The following BACH1 variants were observed in gnomAD, a reference collection of about 807,000 sequenced individuals.
BACH1 encodes transcription regulator protein BACH1.
In BACH1, 35 loss-of-function variants were observed where a neutral mutation model predicts 52.9. That is an observed-to-expected ratio of 0.66 (90% CI 0.51 to 0.88). BACH1 has a LOEUF of 0.88. Among genes scored for constraint, BACH1 ranks in the 40% least tolerant of loss-of-function variants. The probability of loss-of-function intolerance (pLI) is 0.00; values close to 1 mark genes in which losing one functional copy is unlikely to be tolerated. For missense variants in BACH1, 808 were observed against 872.6 expected, an observed-to-expected ratio of 0.93 and a Z score of 0.93; for synonymous variants, 321 against 319.6, an observed-to-expected ratio of 1.00 and a Z score of -0.05.
intron 1 of BACH1, among the ~76,000 whole-genome samples, chr21:29,318,639 G>A (rs2088814659): frequency 6.6e-6 from 1 of 152,160 alleles, no homozygotes; most frequent in African/African-American, 2.4e-5. Flanking sequence ...TAATTCTCTG[G>A]AATTTGAGGT....
chr21:29,303,222 A>C (rs1307845140), intron 1 of BACH1, among the ~76,000 whole-genome samples: 17 of 152,256 alleles, frequency 1.1e-4, no homozygotes, highest in Admixed American at 1.1e-3. Context: ...AAAATTATCC[A>C]TGAAATGGAT....
In BACH1 at chr21:29,326,156, A is replaced by C. The variant is rs762029576; in HGVS notation, c.332A>C (p.Glu111Ala). The C allele has an allele frequency of 6.2e-7, 1 of 1,614,186 alleles. No individual in the cohort carries two copies. Among genetic ancestry groups the C allele is most frequent in the African/African-American group, 1.3e-5 (1 of 75,042 alleles). The change falls in exon 3 of 5, where the codon GAG becomes GCG. Residue 111 changes from glutamate (E) to alanine (A), a missense_variant. By Grantham distance (107) the Glu-to-Ala change is moderately radical. Transcript: ENST00000286800. Reference sequence around the variant, plus strand: ...GTGGATGAAGTGTGCAAATGTGTGGAGTTTTTAAGTGTACATAATATTGAG... The same window carrying C: ...GTGGATGAAGTGTGCAAATGTGTGGCGTTTTTAAGTGTACATAATATTGAG... Reference protein sequence around the residue: ...ENVDEVCKCVEFLSVHNIEES... With the variant: ...ENVDEVCKCVAFLSVHNIEES...
intron 4 of BACH1, among the ~76,000 whole-genome samples, chr21:29,330,127 A>G (rs185160905): frequency 6.6e-6 from 1 of 152,150 alleles, no homozygotes; most frequent in Non-Finnish European, 1.5e-5. Flanking sequence ...ATTAATATCT[A>G]ATGGGATCCT....
chr21:29,311,351 G>T (rs905837333), intron 1 of BACH1, among the ~76,000 whole-genome samples: 6 of 151,968 alleles, frequency 3.9e-5, no homozygotes, highest in Non-Finnish European at 8.8e-5. Context: ...ACTAAATTTT[G>T]CTACTTTTGT....
rs1412006241 is a variant in BACH1, at chr21:29,344,068, A to G, written c.*1235A>G. ...TGTTCAGTCCTGTTACAAAATAGAT[A>G]ACTGAGCACCTATCGCATAACATTT... On this transcript the variant is annotated 3_prime_UTR_variant, in exon 5 of 5. Coordinates refer to ENST00000286800, the MANE Select transcript of BACH1 (RefSeq NM_001186.4). 1 of 152,228 alleles carries G rather than the reference A, an allele frequency of 6.6e-6. No homozygotes were observed. The highest frequency in any genetic ancestry group is 1.9e-4 in the East Asian group (1 of 5,206). 9.4% of individuals were successfully genotyped at this position (152,228 alleles called of 1,614,324 possible). A position where few individuals can be genotyped will look rare whatever the true frequency, so the allele number is the denominator to read the frequency against.
In BACH1 at chr21:29,326,725, A is replaced by G. The variant is rs148287786; in HGVS notation, c.901A>G (p.Thr301Ala). 138 of 1,614,126 alleles carry G rather than the reference A, an allele frequency of 8.5e-5. No individual in the cohort carries two copies. In the African/African-American group the frequency reaches 9.6e-4, roughly 11 times the overall value. Residue 301 changes from threonine (T) to alanine (A), a missense_variant, in exon 3 of 5, where the codon ACT (threonine) becomes GCT (alanine). Transcript: ENST00000286800. The part of the protein sequence containing the change: ...TKKDPASQCP[T>A]EKSEVTPFPH... ...GAAAGATCCTGCTTCTCAGTGCCCAACTGAAAAATCAGAAGTGACTCCTTT... is the reference window on the plus strand; with the variant it reads ...GAAAGATCCTGCTTCTCAGTGCCCAGCTGAAAAATCAGAAGTGACTCCTTT...
At chr21:29,310,005 G>T (rs958596818) in intron 1 of BACH1, among the ~76,000 whole-genome samples, 1 of 151,350 alleles carries the variant, frequency 6.6e-6, no homozygotes, top group Non-Finnish European at 1.5e-5. Flanking sequence ...CCTATAGCAG[G>T]GTTCTCTCAT....
chr21:29,321,370 A>T lies in BACH1; in HGVS notation c.90A>T (p.Lys30Asn). Residue 30 changes from lysine (K) to asparagine (N), a missense_variant, in exon 2 of 5, where the codon AAA (lysine) becomes AAT (asparagine). Lys to Asn is a moderately conservative substitution (Grantham distance 94). Transcript: ENST00000286800. ...TCAGCCTTAATGACCAGCGGAAGAA[A>T]GATGTGCTGTGCGATGTCACCATCT... ...VLLSLNDQRK[K>N]DVLCDVTIFV... is the part of the protein sequence containing the mutation. 1 of 1,614,240 alleles carries T rather than the reference A, an allele frequency of 6.2e-7. No individual in the cohort carries two copies. Among genetic ancestry groups the T allele is most frequent in the Non-Finnish European group, 8.5e-7 (1 of 1,180,044 alleles).
downstream of BACH1, among the ~76,000 whole-genome samples, chr21:29,350,414 G>T (rs1403415982): frequency 6.6e-6 from 1 of 152,220 alleles, no homozygotes; most frequent in East Asian, 1.9e-4. Context: ...CAAAACCTCA[G>T]TTGCTGATAA....
Position 29,298,955 on chromosome 21 carries a change from T to C in BACH1, c.-61+2T>C, listed in dbSNP as rs1379947967. 2 of 151,770 alleles carry C rather than the reference T, an allele frequency of 1.3e-5. No individual in the cohort carries two copies. Among genetic ancestry groups the C allele is most frequent in the Non-Finnish European group, 2.9e-5 (2 of 67,974 alleles). 9.4% of individuals were successfully genotyped at this position (151,770 alleles called of 1,614,324 possible). ...GGGCCGCGCCGCGCCTCAGCTCTGG[T>C]GAGTGGCTCGGCCGTCCCGCCGGCC... is the stretch of plus-strand genomic sequence containing the variant. On this transcript the variant is annotated splice_donor_variant, in intron 1 of 4. Coordinates refer to ENST00000286800, the MANE Select transcript of BACH1 (RefSeq NM_001186.4). LOFTEE classifies it low-confidence loss of function (5UTR_SPLICE).
At chr21:29,331,060 T>C (rs192199612) in intron 4 of BACH1, among the ~76,000 whole-genome samples, 1 of 152,268 alleles carries the variant, frequency 6.6e-6, no homozygotes, top group Admixed American at 6.5e-5. Flanking sequence ...CTTAGTACTT[T>C]TAGAGTGTGT....
chr21:29,333,283 CA>C, intron 4 of BACH1, among the ~76,000 whole-genome samples: 1 of 152,234 alleles, frequency 6.6e-6, no homozygotes, highest in Admixed American at 6.5e-5. Context: ...CTTTTGTAAA[CA>C]GAAAACTAGG....
chr21:29,358,452 A>G (rs527253814), intron 2 of BACH1, among the ~76,000 whole-genome samples: 1 of 152,320 alleles, frequency 6.6e-6, no homozygotes, highest in Admixed American at 6.5e-5. Context: ...TTAGAAATAT[A>G]AAAAGTGGGC....
In BACH1 at chr21:29,345,807, G is replaced by A. The variant is rs1448922613; in HGVS notation, c.*2974G>A. ...TTTTGAATCTGTAAATATTTTAAAT[G>A]TTTTATTAAGGCATGTAATAAACTA... On this transcript the variant is annotated 3_prime_UTR_variant, in exon 5 of 5. Coordinates refer to ENST00000286800, the MANE Select transcript of BACH1 (RefSeq NM_001186.4). 1 of 152,618 alleles carries A rather than the reference G, an allele frequency of 6.6e-6. No homozygotes were observed. The highest frequency in any genetic ancestry group is 1.9e-4 in the East Asian group (1 of 5,180). 9.5% of individuals were successfully genotyped at this position (152,618 alleles called of 1,614,324 possible). A position where few individuals can be genotyped will look rare whatever the true frequency, so the allele number is the denominator to read the frequency against.
downstream of BACH1, among the ~76,000 whole-genome samples, chr21:29,346,751 A>G (rs796951655): frequency 2.6e-4 from 39 of 152,324 alleles, no homozygotes; most frequent in African/African-American, 8.2e-4. Flanking sequence ...GACTTGTAAG[A>G]AAGTGCTCAG....
chr21:29,342,989 C>A lies in BACH1; in HGVS notation c.*156C>A. 1.4e-6 allele frequency: 1 copy of A among 705,088 alleles called. No individual in the cohort carries two copies. Among genetic ancestry groups the A allele is most frequent in the Non-Finnish European group, 2.2e-6 (1 of 462,652 alleles). The allele number at this position is 705,088 out of a possible 1,614,324, so 43.7% of individuals were successfully genotyped here. On this transcript the variant is annotated 3_prime_UTR_variant, in exon 5 of 5. Coordinates refer to ENST00000286800, the MANE Select transcript of BACH1 (RefSeq NM_001186.4). ...TCCTTTAAGTCAACCATGATTTCTC[C>A]TTGATTTCTACAAGAGACAAAGAAA...
At position 29,342,489 on chromosome 21, in the gene BACH1, A is replaced by G; in HGVS notation, c.1867A>G (p.Lys623Glu). The G allele has an allele frequency of 6.2e-7, 1 of 1,614,266 alleles. No individual in the cohort carries two copies. Among genetic ancestry groups the G allele is most frequent in the Non-Finnish European group, 8.5e-7 (1 of 1,180,046 alleles). ...TKQNLTGLCQ[K>E]VCKEAALSQE... ...GCAGAACCTAACTGGACTTTGCCAG[A>G]AAGTTTGTAAAGAAGCAGCTCTGAG... is the stretch of plus-strand genomic sequence containing the variant. The change falls in exon 5 of 5, where the codon AAA (lysine) becomes GAA (glutamate). Residue 623 changes from lysine (K) to glutamate (E), a missense_variant. Physicochemically the swap from Lys to Glu is moderately conservative, Grantham distance 56. Coordinates refer to ENST00000286800, the MANE Select transcript of BACH1 (RefSeq NM_001186.4).
At position 29,342,810 on chromosome 21, in the gene BACH1, G is replaced by T; in HGVS notation, c.2188G>T (p.Asp730Tyr). 6.2e-7 allele frequency: 1 copy of T among 1,605,850 alleles called. No individual in the cohort carries two copies. The highest frequency in any genetic ancestry group is 8.5e-7 in the Non-Finnish European group (1 of 1,173,878). The stretch of plus-strand genomic sequence containing the variant: ...CTCAGATTTCTGTCAGCAGATGACT[G>T]ATAAATGTACTACTGATGAGTAAAC... ...GISDFCQQMT[D>Y]KCTTDE is the part of the protein sequence containing the mutation. Residue 730 changes from aspartate (D) to tyrosine (Y), a missense_variant, in exon 5 of 5, where the codon GAT becomes TAT. Asp to Tyr is a radical substitution (Grantham distance 160). Transcript: ENST00000286800.
chr21:29,353,356 G>A (rs1353854850), intron 2 of BACH1, among the ~76,000 whole-genome samples: 1 of 152,066 alleles, frequency 6.6e-6, no homozygotes, highest in Non-Finnish European at 1.5e-5. Context: ...AAGGCCCCAT[G>A]ACACAGCTAG....
Sources: allele counts gnomAD v4.1 joint callset (sites outside exome capture counted in the v4.1 genomes callset), GRCh38; gene constraint gnomAD v4.1.1; transcripts MANE v1.5; gene names NCBI Gene and HGNC (gene_info 2026-07-23, HGNC 2026-07-21).